NBEAL1: variants seen among roughly 807,000 people sequenced by gnomAD.
NBEAL1 encodes neurobeachin-like protein 1.
In NBEAL1, 273 loss-of-function variants were observed where a neutral mutation model predicts 351.3. The ratio of observed to expected loss-of-function variants is 0.78; its 90% CI spans 0.70 to 0.86. The LOEUF (loss-of-function observed/expected upper bound fraction) is 0.86, where lower values mean the gene tolerates loss of function less well. Among genes scored for constraint, NBEAL1 ranks in the 40% least tolerant of loss-of-function variants. The pLI, the probability that NBEAL1 is intolerant of heterozygous loss-of-function variation, is 0.00. For missense variants in NBEAL1, 2,961 were observed against 3,201.3 expected, an observed-to-expected ratio of 0.92 and a Z score of 1.81; for synonymous variants, 1,050 against 1,086.4, an observed-to-expected ratio of 0.97 and a Z score of 0.66.
intron 2 of NBEAL1, among the ~76,000 whole-genome samples, chr2:203,030,496 A>G (rs907382099): frequency 4.6e-5 from 7 of 152,178 alleles, no homozygotes; most frequent in African/African-American, 7.2e-5. Flanking sequence ...AATAATAACA[A>G]ATATCAAATG....
chr2:203,104,610 G>C (rs1401208442), intron 12 of NBEAL1, among the ~76,000 whole-genome samples: 1 of 152,112 alleles, frequency 6.6e-6, no homozygotes, highest in South Asian at 2.1e-4. Flanking sequence ...ATACAGACTT[G>C]TTGACTTGTG....
At chr2:203,153,806 C>T (rs4675315) in intron 35 of NBEAL1, among the ~76,000 whole-genome samples, 137,824 of 152,180 alleles carry the variant, frequency 0.91, 63,008 homozygotes, top group Non-Finnish European at 0.96. Flanking sequence ...ATTATTTTCT[C>T]GACTTTTGCC....
chr2:203,106,247 C>A (rs1255219980), intron 12 of NBEAL1, among the ~76,000 whole-genome samples: 1 of 152,172 alleles, frequency 6.6e-6, no homozygotes, highest in Non-Finnish European at 1.5e-5. Flanking sequence ...TCTTATCTGC[C>A]ACATCTAATA....
At chr2:203,056,134 A>AT (rs1480257644) in intron 4 of NBEAL1, among the ~76,000 whole-genome samples, 1 of 152,132 alleles carries the variant, frequency 6.6e-6, no homozygotes, top group Non-Finnish European at 1.5e-5. Context: ...ATTGGTGTTT[A>AT]TTTTTTCTCT....
chr2:203,037,529 A>G (rs776169254), intron 2 of NBEAL1, among the ~76,000 whole-genome samples: 1 of 149,266 alleles, frequency 6.7e-6, no homozygotes, highest in Non-Finnish European at 1.5e-5. Flanking sequence ...GATACATGCA[A>G]ACATTTGTAT....
intron 18 of NBEAL1, among the ~76,000 whole-genome samples, chr2:203,118,516 A>G (rs1242230962): frequency 1.3e-5 from 2 of 152,070 alleles, no homozygotes; most frequent in African/African-American, 4.8e-5. Context: ...TCCACTATAT[A>G]GCATAGATAG....
In NBEAL1 at chr2:203,130,415, T is replaced by C; in HGVS notation, c.3503T>C (p.Ile1168Thr). The C allele has an allele frequency of 6.6e-7, 1 of 1,525,054 alleles. No homozygotes were observed. The highest frequency in any genetic ancestry group is 8.8e-7 in the Non-Finnish European group (1 of 1,137,502). The allele number at this position is 1,525,054 out of a possible 1,614,324, so 94.5% of individuals were successfully genotyped here. Residue 1168 changes from isoleucine (I) to threonine (T), a missense_variant, in exon 25 of 56, where the codon ATA (isoleucine) becomes ACA (threonine). By Grantham distance (89) the Ile-to-Thr change is moderately conservative (BLOSUM62 -1). Coordinates refer to ENST00000683969, the MANE Select transcript of NBEAL1 (RefSeq NM_001378026.1). ...LLLFEPGNAD[I>T]LYALLLNQKY... ...CTTTTTGAACCAGGAAATGCTGACA[T>C]ACTGTACGCATTGCTCTTAAATCAG...
Position 203,062,482 on chromosome 2 carries a change from C to T in NBEAL1, c.515+5029C>T. The stretch of plus-strand genomic sequence containing the variant: ...CAGGTCACAGGCAACAGAGGCTGCC[C>T]CAGAACCACCTAAGGCCTCTCAGAG... On this transcript the variant is annotated intron_variant, in intron 6 of 55. Coordinates refer to ENST00000683969, the MANE Select transcript of NBEAL1 (RefSeq NM_001378026.1). This position sits in a 1 kb window ranked among gnomAD's most constrained non-coding sequence, Gnocchi z 4.2. 1 of 345,966 alleles carries T rather than the reference C, an allele frequency of 2.9e-6. No homozygotes were observed. Among genetic ancestry groups the T allele is most frequent in the South Asian group, 2.2e-5 (1 of 45,120 alleles). 21.4% of individuals were successfully genotyped at this position (345,966 alleles called of 1,614,324 possible).
rs1034282354 is a variant in NBEAL1, at chr2:203,217,689, A to G, written c.*335A>G. ...AATAAAAGAGTACAGATAATGGGAC[A>G]GTTGAGAGAGATGGCTTTAAATACA... is the stretch of plus-strand genomic sequence containing the variant. On this transcript the variant is annotated 3_prime_UTR_variant, in exon 56 of 56. Coordinates refer to ENST00000683969, the MANE Select transcript of NBEAL1 (RefSeq NM_001378026.1). 7.2e-6 allele frequency: 7 copies of G among 965,768 alleles called. No individual in the cohort carries two copies. The African/African-American group carries it at 1.2e-4, about 17-fold the overall frequency. 59.8% of individuals were successfully genotyped at this position (965,768 alleles called of 1,614,324 possible). A position where few individuals can be genotyped will look rare whatever the true frequency, so the allele number is the denominator to read the frequency against.
At chr2:203,137,812 C>T (rs2063254533) in intron 29 of NBEAL1, among the ~76,000 whole-genome samples, 1 of 151,868 alleles carries the variant, frequency 6.6e-6, no homozygotes, top group Non-Finnish European at 1.5e-5. Context: ...GGCAAAACCC[C>T]ATCTCTACCA....
chr2:203,073,315 T>C (rs2061712387), intron 7 of NBEAL1, among the ~76,000 whole-genome samples: 1 of 152,258 alleles, frequency 6.6e-6, no homozygotes, highest in African/African-American at 2.4e-5. Flanking sequence ...GGAATTTGTG[T>C]TTTTCATCAC....
chr2:203,094,807 T>C (rs1288120184), intron 10 of NBEAL1, among the ~76,000 whole-genome samples: 8 of 152,312 alleles, frequency 5.3e-5, no homozygotes, highest in African/African-American at 1.9e-4. Flanking sequence ...TTTTTTAAGC[T>C]GCCCAAAGAT....
At chr2:203,028,209 G>T (rs2060891577) in intron 2 of NBEAL1, among the ~76,000 whole-genome samples, 1 of 150,954 alleles carries the variant, frequency 6.6e-6, no homozygotes, top group East Asian at 1.9e-4. Flanking sequence ...TAAGAGACAG[G>T]GTCTTGCTAT....
Position 203,172,034 on chromosome 2 carries a change from C to T in NBEAL1, c.6198+11C>T. On this transcript the variant is annotated intron_variant, in intron 40 of 55. Transcript: ENST00000683969. ...GCACAGTATCCTGTGGTAAGTTTTG[C>T]ATAAACCTTATAAATGTGGAATTGC... 2 of 1,513,896 alleles carry T rather than the reference C, an allele frequency of 1.3e-6. No individual in the cohort carries two copies. The highest frequency in any genetic ancestry group is 1.8e-6 in the Non-Finnish European group (2 of 1,113,040). The allele number at this position is 1,513,896 out of a possible 1,614,324, so 93.8% of individuals were successfully genotyped here.
chr2:203,167,428 A>G, intron 38 of NBEAL1, 68 bp downstream of exon 38: 1 of 1,440,554 alleles, frequency 6.9e-7, no homozygotes, highest in Middle Eastern at 2.0e-4. Flanking sequence ...AGTGAGCTCT[A>G]ATGGAACTTT....
At chr2:203,200,965 ATT>A (rs2065380896) in intron 49 of NBEAL1, among the ~76,000 whole-genome samples, 2 of 152,158 alleles carry the variant, frequency 1.3e-5, no homozygotes, top group Admixed American at 6.6e-5. Context: ...ATTAGCCCTC[ATT>A]TTCTATATAC....
At chr2:203,026,163 G>A (rs1205339549) in intron 2 of NBEAL1, among the ~76,000 whole-genome samples, 1 of 152,130 alleles carries the variant, frequency 6.6e-6, no homozygotes, top group Non-Finnish European at 1.5e-5. Flanking sequence ...AGGTTTTCCT[G>A]TTATGTTAGC....
chr2:203,068,802 T>C (rs945196337), intron 7 of NBEAL1, among the ~76,000 whole-genome samples: 1 of 152,224 alleles, frequency 6.6e-6, no homozygotes, highest in Admixed American at 6.5e-5. Context: ...CGATCTTGGC[T>C]CACCACAACC....
At chr2:203,217,180 C>A in intron 55 of NBEAL1, 73 bp from the exon 56 acceptor site, 1 of 1,102,316 alleles carries the variant, frequency 9.1e-7, no homozygotes, top group Non-Finnish European at 1.2e-6. Flanking sequence ...TCTGCAAAAT[C>A]AGTGTCTTAC....
Sources: gnomAD v4.1 joint callset for allele counts (sites outside exome capture counted in the v4.1 genomes callset) on GRCh38, gnomAD v4.1.1 for gene constraint, Gnocchi (gnomAD v3.1) non-coding constraint, MANE v1.5 for transcripts, NCBI Gene and HGNC (gene_info 2026-07-23, HGNC 2026-07-21) for gene names.